Variants in SLC3A2 observed in about 807,000 individuals in gnomAD.
The protein encoded by SLC3A2 is solute carrier family 3 member 2.
In SLC3A2, 32 loss-of-function variants were observed where a neutral mutation model predicts 48.5. That is an observed-to-expected ratio of 0.66 (90% CI 0.50 to 0.89). The LOEUF (loss-of-function observed/expected upper bound fraction) is 0.89, where lower values mean the gene tolerates loss of function less well. SLC3A2 is among the 40% of genes least tolerant of loss of function. The pLI is 0.00. For synonymous variants in SLC3A2, 277 were observed against 288.8 expected, an observed-to-expected ratio of 0.96 and a Z score of 0.41; for missense variants, 587 against 680.7, an observed-to-expected ratio of 0.86 and a Z score of 1.53.
In SLC3A2 at chr11:62,862,324, A is replaced by G. The variant is rs1216159815; in HGVS notation, c.112+5943A>G. ...ACTCCAGCCTGGGCGACAGAGTGAG[A>G]CTCTGTCTCAAAAAAAAAAAAAAAA... On this transcript the variant is annotated intron_variant, in intron 1 of 9. Transcript: ENST00000377889. Among the ~76,000 whole-genome samples the G allele has an allele frequency of 9.0e-5, 8 of 89,274 alleles. No homozygotes were observed. The East Asian group carries it at 2.9e-3, about 33-fold the overall frequency. 58.6% of individuals were successfully genotyped at this position (89,274 alleles called of 152,430 possible).
At chr11:62,868,512 C>T (rs958411044) in intron 1 of SLC3A2, among the ~76,000 whole-genome samples, 1 of 149,330 alleles carries the variant, frequency 6.7e-6, no homozygotes, top group Admixed American at 6.7e-5. Context: ...ACTACAGGCG[C>T]CCGCCACCAC....
chr11:62,870,209 G>C (rs2085496659), intron 1 of SLC3A2, among the ~76,000 whole-genome samples: 2 of 148,790 alleles, frequency 1.3e-5, no homozygotes, highest in Admixed American at 1.3e-4. Context: ...TTGAGACAGA[G>C]TCTCACTTTG....
chr11:62,883,119 A>G (rs2085664723), intron 3 of SLC3A2, 120 bp downstream of exon 3: 3 of 841,058 alleles, frequency 3.6e-6, no homozygotes, highest in Non-Finnish European at 6.0e-6. Context: ...CCTTAGGACC[A>G]AGGAGGAATG....
chr11:62,888,023 T>C, intron 7 of SLC3A2, 112 bp from the exon 8 acceptor site: 1 of 921,398 alleles, frequency 1.1e-6, no homozygotes, highest in South Asian at 1.5e-5. Context: ...TTCAAATGCC[T>C]GGGCTCAAGC....
chr11:62,864,864 G>A (rs373654171), intron 1 of SLC3A2, among the ~76,000 whole-genome samples: 1 of 152,010 alleles, frequency 6.6e-6, no homozygotes, highest in Non-Finnish European at 1.5e-5. Flanking sequence ...CACCTCCTGG[G>A]TTCAAGCAAT....
At chr11:62,873,130 C>T (rs1289516511) in intron 1 of SLC3A2, among the ~76,000 whole-genome samples, 1 of 151,652 alleles carries the variant, frequency 6.6e-6, no homozygotes, top group African/African-American at 2.4e-5. Flanking sequence ...CAAGTGATAC[C>T]TCCCACCTCA....
intron 1 of SLC3A2, among the ~76,000 whole-genome samples, chr11:62,859,287 C>A (rs2085372542): frequency 6.6e-6 from 1 of 152,162 alleles, no homozygotes; most frequent in Non-Finnish European, 1.5e-5. Context: ...GCACATCTCG[C>A]ACCGCCCTTA....
chr11:62,869,839 G>C (rs1289368423), intron 1 of SLC3A2, among the ~76,000 whole-genome samples: 3 of 150,390 alleles, frequency 2.0e-5, no homozygotes, highest in Non-Finnish European at 4.4e-5. Context: ...TTGGAGTGCA[G>C]TGGCGCGATC....
chr11:62,867,322 C>CTT (rs56758000), intron 1 of SLC3A2, among the ~76,000 whole-genome samples: 17 of 67,610 alleles, frequency 2.5e-4, no homozygotes, highest in Non-Finnish European at 3.2e-4. Context: ...CTTTTCTTTT[C>CTT]TTTTTTTTTT....
chr11:62,862,239 C>A (rs2085407185), intron 1 of SLC3A2, among the ~76,000 whole-genome samples: 1 of 147,004 alleles, frequency 6.8e-6, no homozygotes, highest in Non-Finnish European at 1.5e-5. Context: ...ATTGCTTGAA[C>A]CTGGGAGGTG....
At position 62,856,376 on chromosome 11, in the gene SLC3A2, ACT is replaced by A. The variant is rs759283151; in HGVS notation, c.109_110del (p.Ser37ArgfsTer18). 4 of 1,606,854 alleles carry A rather than the reference ACT, an allele frequency of 2.5e-6. No individual in the cohort carries two copies. The highest frequency in any genetic ancestry group is 1.3e-5 in the African/African-American group (1 of 74,766). On this transcript the variant is annotated frameshift_variant, in exon 1 of 10. Transcript: ENST00000377889. LOFTEE classifies it high-confidence loss of function. ...GTCCAGGGTCTCAGCGCGGGGGACG[ACT>A]CAGGTACTGGATCCCGGGCTAAGCT...
intron 1 of SLC3A2, among the ~76,000 whole-genome samples, chr11:62,863,232 T>C (rs760360574): frequency 4.7e-4 from 71 of 152,214 alleles, no homozygotes; most frequent in South Asian, 1.2e-3. Flanking sequence ...CAATTTCTTT[T>C]CTTTTTGAAC....
At chr11:62,871,457 C>T in intron 1 of SLC3A2, 1 of 361,334 alleles carries the variant, frequency 2.8e-6, no homozygotes, top group Non-Finnish European at 4.8e-6. Flanking sequence ...CCAGCCTGGT[C>T]TCGAACTCCT....
chr11:62,882,782 G>A (rs2085659345), intron 2 of SLC3A2, 126 bp from the exon 3 acceptor site: 1 of 778,542 alleles, frequency 1.3e-6, no homozygotes, highest in Admixed American at 2.2e-5. Flanking sequence ...ATTTTGCCCG[G>A]GTTCAAATTC....
chr11:62,884,608 T>A (rs1408700876), intron 4 of SLC3A2, 24 bp from the exon 5 acceptor site: 2 of 1,611,984 alleles, frequency 1.2e-6, no homozygotes, highest in Middle Eastern at 1.7e-4. Flanking sequence ...TCTCTGGTCC[T>A]TGATTCTGCT....
Position 62,881,997 on chromosome 11 carries a change from C to A in SLC3A2, c.529C>A (p.Leu177Met), listed in dbSNP as rs570866379. The A allele has an allele frequency of 3.5e-5, 57 of 1,614,186 alleles. 1 individual carries two copies. Among genetic ancestry groups the A allele is most frequent in the South Asian group, 1.2e-4 (11 of 91,084 alleles). The change falls in exon 2 of 9, where the codon CTG becomes ATG. Residue 177 changes from leucine to methionine, a missense_variant. Around this residue, in one of 3 missense-constraint regions of SLC3A2, gnomAD observed 409 missense variants for 446.7 expected, o/e 0.92. Transcript: ENST00000338663. This position sits in a 1 kb window ranked among gnomAD's most constrained non-coding sequence, Gnocchi z 4.0. ...GGATGATGTCGCTCAGACTGACTTG[C>A]TGCAGATCGACCCCAATTTTGGCTC... ...QKDDVAQTDL[L>M]QIDPNFGSKE...
chr11:62,865,082 G>C (rs1187627299), intron 1 of SLC3A2, among the ~76,000 whole-genome samples: 1 of 152,130 alleles, frequency 6.6e-6, no homozygotes, highest in African/African-American at 2.4e-5. Flanking sequence ...TGTCAGCTCA[G>C]ATCTTGTGCC....
At chr11:62,870,183 A>T (rs569040705) in intron 1 of SLC3A2, among the ~76,000 whole-genome samples, 1 of 150,278 alleles carries the variant, frequency 6.7e-6, no homozygotes, top group African/African-American at 2.4e-5. Context: ...TTATTTACTT[A>T]TTTATTTATT....
At position 62,882,888 on chromosome 11, in the gene SLC3A2, G is replaced by A. The variant is rs200481612; in HGVS notation, c.599-20G>A. ...AACTCATAGACTGTCTCATGATTGC[G>A]TCTTCCTCCGTTGTTTTAGGCATCC... On this transcript the variant is annotated intron_variant, in intron 2 of 8. Coordinates refer to ENST00000338663, the MANE Select transcript of SLC3A2 (RefSeq NM_001013251.3). 3.5e-5 allele frequency: 56 copies of A among 1,591,348 alleles called. No homozygotes were observed. The highest frequency in any genetic ancestry group is 5.0e-5 in the Admixed American group (3 of 59,980).
Sources: gnomAD v4.1 joint callset for allele counts (sites outside exome capture counted in the v4.1 genomes callset) on GRCh38, gnomAD v4.1.1 for gene constraint, gnomAD v4.1.1 regional missense constraint, Gnocchi (gnomAD v3.1) non-coding constraint, MANE v1.5 for transcripts, NCBI Gene and HGNC (gene_info 2026-07-23, HGNC 2026-07-21) for gene names.